SLC14A2: variants seen among roughly 807,000 people sequenced by gnomAD.
SLC14A2 encodes the protein urea transporter 2.
In SLC14A2, 91 loss-of-function variants were observed where a neutral mutation model predicts 104.6. The observed-to-expected ratio is 0.87, with a 90% CI of 0.73 to 1.04. SLC14A2 has a LOEUF of 1.04. Ranked by LOEUF, SLC14A2 falls within the 50% of genes least tolerant of loss-of-function variation. The pLI is 0.00. For missense variants in SLC14A2, 1,189 were observed against 1,156.0 expected (o/e 1.03, Z -0.41); for synonymous variants, 476 against 466.4 (o/e 1.02, Z -0.27).
At chr18:45,351,498 G>A (rs963980080) in intron 1 of SLC14A2, among the ~76,000 whole-genome samples, 5 of 152,054 alleles carry the variant, frequency 3.3e-5, no homozygotes, top group African/African-American at 1.2e-4. Context: ...GGGACTACAG[G>A]CATGTACCAC....
chr18:45,505,909 G>A (rs904100921), intron 2 of SLC14A2, among the ~76,000 whole-genome samples: 2 of 152,052 alleles, frequency 1.3e-5, no homozygotes, highest in African/African-American at 4.8e-5. Flanking sequence ...CCTTCACCCT[G>A]TCCATTCTGA....
At chr18:45,217,708 T>C (rs1026642204) in intron 1 of SLC14A2, among the ~76,000 whole-genome samples, 1 of 152,198 alleles carries the variant, frequency 6.6e-6, no homozygotes, top group Non-Finnish European at 1.5e-5. Flanking sequence ...CATTTTGTGT[T>C]TTATATTTCT....
At chr18:45,491,948 T>C (rs2043009713) in intron 2 of SLC14A2, 1 of 152,208 alleles carries the variant, frequency 6.6e-6, no homozygotes, top group Admixed American at 6.5e-5. Context: ...GGTAGGAACA[T>C]GTTTCTCTCA....
intron 1 of SLC14A2, among the ~76,000 whole-genome samples, chr18:45,410,670 G>A (rs1253730851): frequency 6.6e-6 from 1 of 152,030 alleles, no homozygotes; most frequent in Non-Finnish European, 1.5e-5. Context: ...TTACAAATTA[G>A]CCTACTCCCT....
intron 2 of SLC14A2, among the ~76,000 whole-genome samples, chr18:45,519,509 GCA>G (rs1376697081): frequency 2.0e-5 from 3 of 152,168 alleles, no homozygotes; most frequent in Admixed American, 1.3e-4. Flanking sequence ...GTGAGCATGA[GCA>G]CACACACATA....
chr18:45,675,098 A>G (rs1234982024), intron 18 of SLC14A2, among the ~76,000 whole-genome samples: 2 of 152,176 alleles, frequency 1.3e-5, no homozygotes, highest in Admixed American at 1.3e-4. Context: ...ATCAAGGTGC[A>G]CTCACTGGTT....
At chr18:45,462,040 C>T (rs764559729) in intron 1 of SLC14A2, among the ~76,000 whole-genome samples, 1 of 152,110 alleles carries the variant, frequency 6.6e-6, no homozygotes, top group Non-Finnish European at 1.5e-5. Context: ...TGGAAGAAAC[C>T]TGGCCCTCTC....
intron 2 of SLC14A2, among the ~76,000 whole-genome samples, chr18:45,593,018 A>T (rs1457872888): frequency 6.6e-6 from 1 of 152,192 alleles, no homozygotes; most frequent in Non-Finnish European, 1.5e-5. Context: ...AGAGCTGTCC[A>T]ATAGAAATAA....
chr18:45,427,266 G>GAAAA (rs34941376), intron 1 of SLC14A2, among the ~76,000 whole-genome samples: 2 of 148,736 alleles, frequency 1.3e-5, no homozygotes. Flanking sequence ...AAAAGAAAGG[G>GAAAA]AAAAAAAAAA....
At chr18:45,413,738 G>T (rs952991073) in intron 1 of SLC14A2, among the ~76,000 whole-genome samples, 1 of 152,176 alleles carries the variant, frequency 6.6e-6, no homozygotes, top group Non-Finnish European at 1.5e-5. Flanking sequence ...GTGGAGTTCT[G>T]AAGCAACAGT....
At position 45,388,064 on chromosome 18, in the gene SLC14A2, C is replaced by CT. The variant is rs58962313; in HGVS notation, c.-124-95139dup. On this transcript the variant is annotated intron_variant, in intron 1 of 20. Transcript: ENST00000586448. The stretch of plus-strand genomic sequence containing the variant: ...TGCCCTAAGCTCACCTTGCTCATAT[C>CT]TTTTTTTTTTTTTTTTTTTTTTTTT... Among the ~76,000 whole-genome samples, 484 of 69,094 alleles carry CT rather than the reference C, an allele frequency of 7.0e-3. 38 individuals carry two copies. The highest frequency in any genetic ancestry group is 0.01 in the Non-Finnish European group (398 of 39,522). The allele number at this position is 69,094 out of a possible 152,430, so 45.3% of individuals were successfully genotyped here. A position where few individuals can be genotyped will look rare whatever the true frequency, so the allele number is the denominator to read the frequency against.
chr18:45,287,118 A>G (rs1240650475), intron 1 of SLC14A2, among the ~76,000 whole-genome samples: 1 of 152,170 alleles, frequency 6.6e-6, no homozygotes, highest in African/African-American at 2.4e-5. Flanking sequence ...AGAAAACAGA[A>G]AGACCTTTTC....
intron 1 of SLC14A2, among the ~76,000 whole-genome samples, chr18:45,373,398 A>G (rs1032869754): frequency 2.3e-4 from 35 of 152,076 alleles, no homozygotes; most frequent in Non-Finnish European, 2.2e-4. Flanking sequence ...ATCCATCCCA[A>G]CACTAGCTGC....
chr18:45,546,174 C>A (rs2043966144), intron 2 of SLC14A2, among the ~76,000 whole-genome samples: 1 of 152,200 alleles, frequency 6.6e-6, no homozygotes, highest in South Asian at 2.1e-4. Flanking sequence ...CCTATCCCAG[C>A]AACATGCCTA....
chr18:45,474,977 C>T (rs370914888), intron 1 of SLC14A2, among the ~76,000 whole-genome samples: 3 of 152,060 alleles, frequency 2.0e-5, no homozygotes, highest in Admixed American at 6.6e-5. Flanking sequence ...GTAAGGGTGT[C>T]GACTCTAGAT....
the SLC14A2 span, among the ~76,000 whole-genome samples, chr18:45,197,204 A>G: frequency 6.6e-6 from 1 of 152,182 alleles, no homozygotes; most frequent in African/African-American, 2.4e-5. Context: ...ATGAAGAGAG[A>G]ATTTTCTTTG....
At chr18:45,210,703 G>A (rs1213086921), upstream of SLC14A2, among the ~76,000 whole-genome samples, 1 of 152,158 alleles carries the variant, frequency 6.6e-6, no homozygotes, top group African/African-American at 2.4e-5. Flanking sequence ...GCTTGCCCTT[G>A]GTTTTGAGTT....
chr18:45,353,738 T>C (rs1397677193), intron 1 of SLC14A2, among the ~76,000 whole-genome samples: 1 of 152,190 alleles, frequency 6.6e-6, no homozygotes, highest in Non-Finnish European at 1.5e-5. Flanking sequence ...CAGGCATGCA[T>C]GAAGGCTGTG....
chr18:45,331,291 T>A (rs970381277), intron 1 of SLC14A2, among the ~76,000 whole-genome samples: 2 of 152,200 alleles, frequency 1.3e-5, no homozygotes, highest in African/African-American at 4.8e-5. Flanking sequence ...ATTTTAAAAC[T>A]ACATAAAAAT....
Sources: allele counts gnomAD v4.1 joint callset (sites outside exome capture counted in the v4.1 genomes callset), GRCh38; gene constraint gnomAD v4.1.1; transcripts MANE v1.5; gene names NCBI Gene and HGNC (gene_info 2026-07-23, HGNC 2026-07-21).